Variants in LBR observed in about 807,000 individuals in gnomAD.
LBR encodes delta(14)-sterol reductase LBR.
LBR carries 28 observed loss-of-function variants against 74.3 expected under a neutral mutation model. The ratio of observed to expected loss-of-function variants is 0.38; its 90% CI spans 0.28 to 0.52. LBR has a LOEUF of 0.52. Among genes scored for constraint, LBR ranks in the 20% least tolerant of loss-of-function variants. The pLI is 0.89. For synonymous variants in LBR, 228 were observed against 269.3 expected (o/e 0.85, Z 1.50); for missense variants, 717 against 760.3 (o/e 0.94, Z 0.67).
chr1:225,423,874 C>G, intron 2 of LBR, 37 bp downstream of exon 2: 1 of 1,582,594 alleles, frequency 6.3e-7, no homozygotes, highest in South Asian at 1.1e-5. Context: ...TTCCCACTTA[C>G]TGTAAACACA....
chr1:225,428,447 T>C (rs979892688), upstream of LBR, among the ~76,000 whole-genome samples: 4 of 152,120 alleles, frequency 2.6e-5, no homozygotes, highest in Non-Finnish European at 5.9e-5. Context: ...TTTTTTAAGC[T>C]ACAAAGAAAA....
Position 225,409,517 on chromosome 1 carries a change from C to A in LBR, c.1314+774G>T, listed in dbSNP as rs187832851. On this transcript the variant is annotated intron_variant, in intron 10 of 13. Coordinates refer to ENST00000272163, the MANE Select transcript of LBR (RefSeq NM_002296.4). Reference sequence around the variant, plus strand: ...AAAAGGTCTTCTCTCAAAATGTCAGCAGATTGTCTCAACAGACTGTCACTA... The same window carrying A: ...AAAAGGTCTTCTCTCAAAATGTCAGAAGATTGTCTCAACAGACTGTCACTA... 2.6e-5 allele frequency among the ~76,000 whole-genome samples: 4 copies of A among 152,216 alleles called. No individual in the cohort carries two copies. The East Asian group carries it at 5.8e-4, about 22-fold the overall frequency.
At position 225,410,308 on chromosome 1, in the gene LBR, C is replaced by T. The variant is rs777371608; in HGVS notation, c.1297G>A (p.Asp433Asn). 6.2e-7 allele frequency: 1 copy of T among 1,614,174 alleles called. No homozygotes were observed. Among genetic ancestry groups the T allele is most frequent in the Non-Finnish European group, 8.5e-7 (1 of 1,180,028 alleles). Residue 433 changes from aspartate (D) to asparagine (N), a missense_variant, in exon 10 of 14, where the codon GAT becomes AAT. Transcript: ENST00000272163. The stretch of plus-strand genomic sequence containing the variant: ...TTAATTACCTCATTCCAGAGAGCAT[C>T]CACCACATAGAGAAGCTGGAAACTA... Reference protein sequence around the residue: ...VNSFQLLYVVDALWNEEALLT... With the variant: ...VNSFQLLYVVNALWNEEALLT...
At chr1:225,411,840 C>T (rs968954528) in intron 8 of LBR, among the ~76,000 whole-genome samples, 6 of 152,208 alleles carry the variant, frequency 3.9e-5, no homozygotes, top group African/African-American at 1.4e-4. Context: ...GATGGAGCCT[C>T]GCTCTGTGGC....
At chr1:225,410,530 C>T in intron 9 of LBR, 114 bp from the exon 10 acceptor site, 1 of 1,060,160 alleles carries the variant, frequency 9.4e-7, no homozygotes, top group Non-Finnish European at 1.4e-6. Flanking sequence ...CACCGTAACT[C>T]CTACCCGCCA....
chr1:225,403,267 A>G lies in LBR; in HGVS notation c.*36T>C. On this transcript the variant is annotated 3_prime_UTR_variant, in exon 14 of 14. Transcript: ENST00000272163. ...CTTGTTTTTGCAAATGGCAGCTGGA[A>G]TTGCAGGAGTATTTTGTAGAAAAGC... 1 of 1,601,112 alleles carries G rather than the reference A, an allele frequency of 6.2e-7. No homozygotes were observed. The highest frequency in any genetic ancestry group is 8.6e-7 in the Non-Finnish European group (1 of 1,168,138).
chr1:225,402,436 T>G lies in LBR; in HGVS notation c.*867A>C, dbSNP rs2096083443. The stretch of plus-strand genomic sequence containing the variant: ...TATAAAGGCAAACAAACACCTGCAA[T>G]TGAGGTAGCAAAGCCAAATTCACAA... On this transcript the variant is annotated 3_prime_UTR_variant, in exon 14 of 14. Transcript: ENST00000272163. 6.6e-6 allele frequency: 1 copy of G among 152,420 alleles called. No individual in the cohort carries two copies. Among genetic ancestry groups the G allele is most frequent in the Non-Finnish European group, 1.5e-5 (1 of 68,000 alleles). The allele number at this position is 152,420 out of a possible 1,614,324, so 9.4% of individuals were successfully genotyped here.
At chr1:225,425,668 A>T (rs1312836062) in intron 1 of LBR, among the ~76,000 whole-genome samples, 1 of 152,128 alleles carries the variant, frequency 6.6e-6, no homozygotes, top group South Asian at 2.1e-4. Context: ...AAGAAAGAGG[A>T]AGGAAATGTA....
At chr1:225,426,245 AG>A (rs1247525880) in intron 1 of LBR, among the ~76,000 whole-genome samples, 2 of 152,252 alleles carry the variant, frequency 1.3e-5, no homozygotes, top group African/African-American at 4.8e-5. Context: ...GTCAAACGTG[AG>A]GATACAGTGC....
In LBR at chr1:225,423,504, T is replaced by A. The variant is rs367940613; in HGVS notation, c.165+407A>T. On this transcript the variant is annotated intron_variant, in intron 2 of 13. Transcript: ENST00000272163. ...CCCCAGACCCCTGACTTTGGCATAC[T>A]GCCCTCTCTGCAGAAACAGCCCCAT... Among the ~76,000 whole-genome samples, 5 of 151,556 alleles carry A rather than the reference T, an allele frequency of 3.3e-5. No homozygotes were observed. The South Asian group carries it at 8.3e-4, about 25-fold the overall frequency.
intron 3 of LBR, among the ~76,000 whole-genome samples, chr1:225,420,337 T>G (rs1272707744): frequency 6.6e-6 from 1 of 152,016 alleles, no homozygotes; most frequent in African/African-American, 2.4e-5. Context: ...CTTTGATCTT[T>G]CACGTAATCA....
At chr1:225,418,511 C>T (rs2096121678) in intron 5 of LBR, among the ~76,000 whole-genome samples, 1 of 152,116 alleles carries the variant, frequency 6.6e-6, no homozygotes, top group Non-Finnish European at 1.5e-5. Context: ...CTCCAGCAAA[C>T]TGAAGATCAG....
In LBR at chr1:225,403,198, A is replaced by T; in HGVS notation, c.*105T>A. 1 of 1,082,626 alleles carries T rather than the reference A, an allele frequency of 9.2e-7. No individual in the cohort carries two copies. Among genetic ancestry groups the T allele is most frequent in the Non-Finnish European group, 1.4e-6 (1 of 703,530 alleles). 67.1% of individuals were successfully genotyped at this position (1,082,626 alleles called of 1,614,324 possible). A position where few individuals can be genotyped will look rare whatever the true frequency, so the allele number is the denominator to read the frequency against. ...CTGACTCAAAAAGAAAAAAAAAAGT[A>T]CAGACCCTGTCAGTGCAACAAAAGA... is the stretch of plus-strand genomic sequence containing the variant. On this transcript the variant is annotated 3_prime_UTR_variant, in exon 14 of 14. Coordinates refer to ENST00000272163, the MANE Select transcript of LBR (RefSeq NM_002296.4).
chr1:225,424,206 G>C lies in LBR; in HGVS notation c.-14-117C>G, dbSNP rs892007565. 280 of 811,398 alleles carry C rather than the reference G, an allele frequency of 3.5e-4. 2 individuals carry two copies. The highest frequency in any genetic ancestry group is 5.4e-5 in the Non-Finnish European group (25 of 466,382). The allele number at this position is 811,398 out of a possible 1,614,324, so 50.3% of individuals were successfully genotyped here. On this transcript the variant is annotated intron_variant, in intron 1 of 13. Transcript: ENST00000272163. ...CCAGAATTGACTGGTCAGGATTTTA[G>C]GGCCAGAAAGGCTACATTCAATCTC...
chr1:225,424,756 C>G (rs1343241770), intron 1 of LBR, among the ~76,000 whole-genome samples: 2 of 152,176 alleles, frequency 1.3e-5, no homozygotes, highest in Admixed American at 1.3e-4. Flanking sequence ...CATTCTTTTC[C>G]TCTGATTCAA....
intron 11 of LBR, among the ~76,000 whole-genome samples, chr1:225,405,563 T>C (rs915539239): frequency 6.6e-6 from 1 of 152,122 alleles, no homozygotes; most frequent in African/African-American, 2.4e-5. Flanking sequence ...CACTCTCTCT[T>C]GCCCTCCCTC....
chr1:225,411,131 G>C (rs544741034), intron 9 of LBR, among the ~76,000 whole-genome samples: 1 of 152,240 alleles, frequency 6.6e-6, no homozygotes, highest in East Asian at 1.9e-4. Flanking sequence ...GCAAAGAAAA[G>C]TTATTTAATT....
chr1:225,415,235 A>G, intron 7 of LBR, 43 bp downstream of exon 7: 1 of 1,266,718 alleles, frequency 7.9e-7, no homozygotes, highest in East Asian at 2.4e-5. Flanking sequence ...TAGAAGTTTA[A>G]GCTATCAAAT....
intron 3 of LBR, among the ~76,000 whole-genome samples, chr1:225,420,391 C>T (rs183974569): frequency 1.1e-3 from 167 of 151,068 alleles, no homozygotes; most frequent in African/African-American, 3.9e-3. Context: ...GGGGTATTTA[C>T]TATGAAAGGC....
Sources: gnomAD v4.1 joint callset for allele counts (sites outside exome capture counted in the v4.1 genomes callset) on GRCh38, gnomAD v4.1.1 for gene constraint, MANE v1.5 for transcripts, NCBI Gene and HGNC (gene_info 2026-07-23, HGNC 2026-07-21) for gene names.